MERTK: variants seen among roughly 807,000 people sequenced by gnomAD.
MERTK encodes the protein tyrosine-protein kinase Mer.
MERTK carries 69 observed loss-of-function variants against 99.3 expected under a neutral mutation model. The ratio of observed to expected loss-of-function variants is 0.70; its 90% confidence interval spans 0.57 to 0.85. The LOEUF (loss-of-function observed/expected upper bound fraction) is 0.85. MERTK is among the 40% of genes least tolerant of loss of function. The pLI, the probability that MERTK is intolerant of heterozygous loss-of-function variation, is 0.00. For synonymous variants in MERTK, 426 were observed against 467.6 expected, an observed-to-expected ratio of 0.91 and a Z score of 1.15; for missense variants, 1,125 against 1,249.4, an observed-to-expected ratio of 0.90 and a Z score of 1.50.
At chr2:111,911,543 C>G (rs1684248642) in intron 1 of MERTK, among the ~76,000 whole-genome samples, 1 of 151,910 alleles carries the variant, frequency 6.6e-6, no homozygotes, top group South Asian at 2.1e-4. Flanking sequence ...TGCACACCAC[C>G]ATGCCCAGCT....
chr2:111,930,636 A>G (rs1684654312), intron 2 of MERTK, among the ~76,000 whole-genome samples: 1 of 152,076 alleles, frequency 6.6e-6, no homozygotes, highest in Non-Finnish European at 1.5e-5. Flanking sequence ...GACAGGCCCT[A>G]AGCCTCAGAC....
intron 4 of MERTK, 86 bp from the exon 5 acceptor site, chr2:111,965,105 A>T: frequency 7.7e-7 from 1 of 1,293,696 alleles, no homozygotes; most frequent in Non-Finnish European, 1.1e-6. Context: ...ACCAAGAAAT[A>T]AAATAATACA....
intron 4 of MERTK, among the ~76,000 whole-genome samples, chr2:111,957,440 A>G (rs1443870043): frequency 6.6e-6 from 1 of 151,848 alleles, no homozygotes; most frequent in African/African-American, 2.4e-5. Context: ...CTCAGAGGCC[A>G]TTTCTCAAGG....
intron 9 of MERTK, chr2:111,996,820 T>C (rs951009361): frequency 1.1e-5 from 2 of 182,778 alleles, no homozygotes; most frequent in African/African-American, 4.8e-5. Context: ...GTGACAATTC[T>C]TCAAAACAGA....
chr2:111,960,249 G>C (rs1242152276), intron 4 of MERTK, among the ~76,000 whole-genome samples: 1 of 152,120 alleles, frequency 6.6e-6, no homozygotes, highest in Non-Finnish European at 1.5e-5. Flanking sequence ...GGGAGGCTGA[G>C]GCAGGTGGAT....
chr2:111,911,217 T>C (rs575953830), intron 1 of MERTK, among the ~76,000 whole-genome samples: 6 of 152,238 alleles, frequency 3.9e-5, no homozygotes, highest in African/African-American at 1.4e-4. Context: ...ATACATGTTA[T>C]AAAATTTCAT....
At chr2:112,001,736 C>T (rs972720982) in intron 11 of MERTK, among the ~76,000 whole-genome samples, 1 of 152,052 alleles carries the variant, frequency 6.6e-6, no homozygotes, top group Admixed American at 6.6e-5. Flanking sequence ...GTTTAAACAG[C>T]GGAAATAAAC....
At chr2:111,951,548 T>TATATATATATATATATAG (rs1491494901) in intron 4 of MERTK, among the ~76,000 whole-genome samples, 1 of 118,914 alleles carries the variant, frequency 8.4e-6, no homozygotes. Flanking sequence ...TATATATATA[T>TATATATATATATATATAG]ACCATAATTT....
At chr2:111,937,808 T>A (rs1051530442) in intron 2 of MERTK, among the ~76,000 whole-genome samples, 2 of 152,244 alleles carry the variant, frequency 1.3e-5, no homozygotes, top group African/African-American at 4.8e-5. Context: ...TTCCTTGCCC[T>A]TGGCTTACCC....
chr2:111,994,785 GAAAA>G (rs11287004), intron 9 of MERTK: 57 of 181,548 alleles, frequency 3.1e-4, no homozygotes, highest in Middle Eastern at 1.9e-3. Context: ...CTCAAAAAAA[GAAAA>G]AAAAAAAAAA....
intron 4 of MERTK, among the ~76,000 whole-genome samples, chr2:111,954,048 G>A (rs1685104405): frequency 6.6e-6 from 1 of 152,154 alleles, no homozygotes; most frequent in Admixed American, 6.6e-5. Flanking sequence ...AGTGAGTGAT[G>A]CTCCACCTTG....
At position 112,029,276 on chromosome 2, in the gene MERTK, A is replaced by G; in HGVS notation, c.*412A>G. On this transcript the variant is annotated 3_prime_UTR_variant, in exon 19 of 19. Coordinates refer to ENST00000295408, the MANE Select transcript of MERTK (RefSeq NM_006343.3). The stretch of plus-strand genomic sequence containing the variant: ...ATATTTGACTTGGCTTCTGGTCTTG[A>G]TGTATTTGATAAGAATGATTCATTC... The G allele has an allele frequency of 1.0e-6, 1 of 971,874 alleles. No homozygotes were observed. The highest frequency in any genetic ancestry group is 1.1e-4 in the East Asian group (1 of 9,454). 60.2% of individuals were successfully genotyped at this position (971,874 alleles called of 1,614,324 possible).
intron 4 of MERTK, among the ~76,000 whole-genome samples, chr2:111,953,642 C>G (rs1263018846): frequency 2.0e-5 from 3 of 152,068 alleles, no homozygotes; most frequent in African/African-American, 2.4e-5. Flanking sequence ...ATGGCGTGAT[C>G]TCTGCTTATC....
rs1326929298 is a variant in MERTK at position 111,974,296 on chromosome 2, T to A, written c.961-993T>A. ...CAGGCACCTGTGATCCCAGCTACTCTGAAGGCTGAGGTGGGAGAATCACTT... is the reference window on the plus strand; with the variant it reads ...CAGGCACCTGTGATCCCAGCTACTCAGAAGGCTGAGGTGGGAGAATCACTT... On this transcript the variant is annotated intron_variant, in intron 6 of 18. Transcript: ENST00000295408. Among the ~76,000 whole-genome samples the A allele has an allele frequency of 3.3e-5, 5 of 149,286 alleles. No homozygotes were observed. In the East Asian group the frequency reaches 9.9e-4, roughly 30 times the overall value.
intron 6 of MERTK, among the ~76,000 whole-genome samples, chr2:111,969,943 G>A (rs953805014): frequency 3.3e-5 from 5 of 151,682 alleles, no homozygotes; most frequent in Non-Finnish European, 4.4e-5. Context: ...CGCCTGTCCC[G>A]GCCTCCCAAA....
At position 112,028,776 on chromosome 2, in the gene MERTK, A is replaced by T; in HGVS notation, c.2912A>T (p.His971Leu). ...GTTAGGAATGGGGTCTCCTGGTCCC[A>T]TTCGAGCATGCTGCCCTTGGGAAGC... ...RLVRNGVSWS[H>L]SSMLPLGSSL... Residue 971 changes from histidine to leucine, a missense_variant, in exon 19 of 19, where the codon CAT (histidine) becomes CTT (leucine). His to Leu is a moderately conservative substitution (Grantham distance 99). Transcript: ENST00000295408. 1.2e-6 allele frequency: 2 copies of T among 1,614,144 alleles called. No homozygotes were observed. Among genetic ancestry groups the T allele is most frequent in the Non-Finnish European group, 1.7e-6 (2 of 1,180,036 alleles).
At chr2:111,913,706 C>T (rs1684293964) in intron 1 of MERTK, among the ~76,000 whole-genome samples, 2 of 152,042 alleles carry the variant, frequency 1.3e-5, no homozygotes, top group South Asian at 4.1e-4. Flanking sequence ...ACCACCATGC[C>T]TGGCTAATTT....
rs1239239936 is a variant in MERTK at position 111,989,417 on chromosome 2, T to A, written c.1297-4834T>A. The stretch of plus-strand genomic sequence containing the variant: ...TGTCACCCAGGCTGGAGTGCAGTGG[T>A]GCGGTCTCCACTCACTGCAAGTTCC... On this transcript the variant is annotated intron_variant, in intron 8 of 18. Coordinates refer to ENST00000295408, the MANE Select transcript of MERTK (RefSeq NM_006343.3). Among the ~76,000 whole-genome samples the A allele has an allele frequency of 2.0e-5, 3 of 150,440 alleles. No homozygotes were observed. In the South Asian group the frequency reaches 6.3e-4, roughly 32 times the overall value.
chr2:112,008,797 T>G (rs534606288), intron 14 of MERTK: 1 of 408,624 alleles, frequency 2.4e-6, no homozygotes, highest in East Asian at 5.4e-5. Context: ...TTTTTATTAA[T>G]TTAAGGTTAT....
Sources: allele counts gnomAD v4.1 joint callset (sites outside exome capture counted in the v4.1 genomes callset), GRCh38; gene constraint gnomAD v4.1.1; transcripts MANE v1.5; gene names NCBI Gene and HGNC (gene_info 2026-07-23, HGNC 2026-07-21).